Variants in KCNH7 observed in about 807,000 individuals in gnomAD.
KCNH7 encodes voltage-gated inwardly rectifying potassium channel KCNH7.
In KCNH7, 49 loss-of-function variants were observed where a neutral mutation model predicts 120.8. That is an observed-to-expected ratio of 0.41 (90% CI 0.32 to 0.51). The LOEUF (loss-of-function observed/expected upper bound fraction) is 0.51. Among genes scored for constraint, KCNH7 ranks in the 20% least tolerant of loss-of-function variants. The pLI is 0.38. For synonymous variants in KCNH7, 547 were observed against 516.1 expected, an observed-to-expected ratio of 1.06 and a Z score of -0.81; for missense variants, 1,097 against 1,446.6, an observed-to-expected ratio of 0.76 and a Z score of 3.92.
chr2:162,579,563 T>C (rs1043069121), intron 2 of KCNH7, among the ~76,000 whole-genome samples: 1 of 152,034 alleles, frequency 6.6e-6, no homozygotes, highest in Non-Finnish European at 1.5e-5. Context: ...GACAAAAACC[T>C]GTAGGGCCTC....
At chr2:162,515,263 A>T (rs1691240319) in intron 4 of KCNH7, among the ~76,000 whole-genome samples, 1 of 151,708 alleles carries the variant, frequency 6.6e-6, no homozygotes, top group African/African-American at 2.4e-5. Flanking sequence ...CTTAGCACCA[A>T]ATGTTTATGT....
chr2:162,650,797 T>C (rs774140190), intron 2 of KCNH7, among the ~76,000 whole-genome samples: 7 of 152,132 alleles, frequency 4.6e-5, no homozygotes, highest in Non-Finnish European at 8.8e-5. Context: ...CATTCTCCCA[T>C]ATAATATCTG....
chr2:162,486,257 G>A lies in KCNH7; in HGVS notation c.1128+18186C>T, dbSNP rs981631405. Among the ~76,000 whole-genome samples, 4 of 152,094 alleles carry A rather than the reference G, an allele frequency of 2.6e-5. No homozygotes were observed. In the East Asian group the frequency reaches 7.7e-4, roughly 29 times the overall value. ...CAACCTCAGCTCATTAGGATGAGGG[G>A]GCAGAAAAGGAAGGCTCTCCATTTT... is the stretch of plus-strand genomic sequence containing the variant. On this transcript the variant is annotated intron_variant, in intron 6 of 15. Transcript: ENST00000332142.
chr2:162,550,901 A>G (rs73974013), intron 2 of KCNH7, among the ~76,000 whole-genome samples: 14,841 of 150,940 alleles, frequency 0.098, 846 homozygotes, highest in East Asian at 0.21. Context: ...TAATAATAAT[A>G]ATAATAATAA....
chr2:162,805,875 T>C (rs1684522201), intron 2 of KCNH7, among the ~76,000 whole-genome samples: 1 of 152,150 alleles, frequency 6.6e-6, no homozygotes, highest in African/African-American at 2.4e-5. Flanking sequence ...ATGTGGTATA[T>C]ATACAGCACA....
chr2:162,450,300 C>T (rs1688725057), intron 6 of KCNH7, among the ~76,000 whole-genome samples: 1 of 151,950 alleles, frequency 6.6e-6, no homozygotes, highest in Admixed American at 6.6e-5. Flanking sequence ...TTCCAATACG[C>T]CCATTGACAC....
At chr2:162,493,954 A>C (rs1052381940) in intron 6 of KCNH7, among the ~76,000 whole-genome samples, 1 of 152,206 alleles carries the variant, frequency 6.6e-6, no homozygotes, top group Non-Finnish European at 1.5e-5. Flanking sequence ...TCAAAAAGGT[A>C]CTATATAGTT....
intron 2 of KCNH7, among the ~76,000 whole-genome samples, chr2:162,809,085 C>T (rs571603975): frequency 3.3e-5 from 5 of 152,104 alleles, no homozygotes; most frequent in South Asian, 4.1e-4. Flanking sequence ...GAGTCATTTT[C>T]AAGATTCTTC....
intron 2 of KCNH7, among the ~76,000 whole-genome samples, chr2:162,541,269 G>A (rs1029412551): frequency 1.3e-5 from 2 of 152,074 alleles, no homozygotes; most frequent in African/African-American, 4.8e-5. Context: ...GACTGGATGA[G>A]GTCACACAGG....
intron 2 of KCNH7, among the ~76,000 whole-genome samples, chr2:162,573,578 T>C (rs1439221991): frequency 1.3e-5 from 2 of 152,044 alleles, no homozygotes; most frequent in Admixed American, 6.6e-5. Flanking sequence ...ATTATTTTAA[T>C]ATACCTGTAG....
intron 2 of KCNH7, among the ~76,000 whole-genome samples, chr2:162,804,807 A>C (rs1160805581): frequency 1.3e-5 from 2 of 151,838 alleles, no homozygotes; most frequent in African/African-American, 4.8e-5. Context: ...AATCCTAAGC[A>C]AAAAGAACAC....
At chr2:162,461,263 T>G (rs2105605571) in intron 6 of KCNH7, among the ~76,000 whole-genome samples, 1 of 152,348 alleles carries the variant, frequency 6.6e-6, no homozygotes, top group African/African-American at 2.4e-5. Flanking sequence ...TTACAGGCTC[T>G]GGGCCTTATT....
chr2:162,588,617 C>T (rs1694101484), intron 2 of KCNH7, among the ~76,000 whole-genome samples: 1 of 151,956 alleles, frequency 6.6e-6, no homozygotes, highest in African/African-American at 2.4e-5. Context: ...TTTAATGACA[C>T]ATAATTGTAC....
intron 2 of KCNH7, among the ~76,000 whole-genome samples, chr2:162,727,568 A>T (rs916235009): frequency 6.6e-6 from 1 of 152,162 alleles, no homozygotes; most frequent in Non-Finnish European, 1.5e-5. Context: ...TTCCATATAC[A>T]TAGAATACTA....
chr2:162,401,946 T>G (rs1388030181), intron 9 of KCNH7, among the ~76,000 whole-genome samples: 1 of 151,886 alleles, frequency 6.6e-6, no homozygotes, highest in East Asian at 1.9e-4. Context: ...GTGCCAATTG[T>G]TAGACACAGC....
chr2:162,707,246 AT>A (rs1335564463), intron 2 of KCNH7, among the ~76,000 whole-genome samples: 1 of 152,142 alleles, frequency 6.6e-6, no homozygotes, highest in Non-Finnish European at 1.5e-5. Context: ...ACTTCTTTAG[AT>A]TTGAAAGAGC....
chr2:162,386,305 T>A (rs1426531197), intron 12 of KCNH7, among the ~76,000 whole-genome samples: 1 of 151,926 alleles, frequency 6.6e-6, no homozygotes, highest in African/African-American at 2.4e-5. Context: ...TAAAATTCCA[T>A]CTTGCCATCT....
At chr2:162,527,363 G>A (rs1454784428) in intron 3 of KCNH7, among the ~76,000 whole-genome samples, 2 of 151,898 alleles carry the variant, frequency 1.3e-5, no homozygotes, top group Non-Finnish European at 2.9e-5. Context: ...TATTACTATT[G>A]CAGCTCTTCA....
chr2:162,399,758 A>G (rs570537779), intron 10 of KCNH7, among the ~76,000 whole-genome samples: 9 of 152,030 alleles, frequency 5.9e-5, no homozygotes, highest in Admixed American at 5.9e-4. Context: ...CAATGAATAA[A>G]TGAAATTCAT....
Sources: gnomAD v4.1 joint callset for allele counts (sites outside exome capture counted in the v4.1 genomes callset) on GRCh38, gnomAD v4.1.1 for gene constraint, MANE v1.5 for transcripts, NCBI Gene and HGNC (gene_info 2026-07-23, HGNC 2026-07-21) for gene names.